Variants in PLA2G4C observed in about 807,000 individuals in gnomAD.
PLA2G4C encodes cytosolic phospholipase A2 gamma.
In PLA2G4C, 64 loss-of-function variants were observed where a neutral mutation model predicts 73.8. The ratio of observed to expected loss-of-function variants is 0.87; its 90% CI spans 0.71 to 1.07. The LOEUF is 1.07. Among genes scored for constraint, PLA2G4C ranks in the 50% least tolerant of loss-of-function variants. The pLI is 0.00. For missense variants in PLA2G4C, 622 were observed against 665.4 expected, an observed-to-expected ratio of 0.93 and a Z score of 0.72; for synonymous variants, 254 against 252.1, an observed-to-expected ratio of 1.01 and a Z score of -0.07.
At chr19:48,060,880 T>G (rs1968142110) in intron 14 of PLA2G4C, among the ~76,000 whole-genome samples, 1 of 152,188 alleles carries the variant, frequency 6.6e-6, no homozygotes. Flanking sequence ...TATAAATATA[T>G]ATTACATTAC....
chr19:48,082,884 G>A (rs948925248), intron 10 of PLA2G4C, among the ~76,000 whole-genome samples: 1 of 147,430 alleles, frequency 6.8e-6, no homozygotes, highest in Non-Finnish European at 1.5e-5. Flanking sequence ...CTCGATCTTG[G>A]CTCACCGCAA....
intron 1 of PLA2G4C, among the ~76,000 whole-genome samples, chr19:48,108,062 G>T (rs1024871991): frequency 1.3e-5 from 2 of 152,078 alleles, no homozygotes; most frequent in African/African-American, 4.8e-5. Flanking sequence ...TCTGCGTCTT[G>T]GTGGTAGTGG....
At chr19:48,052,283 T>C (rs1394382591) in intron 16 of PLA2G4C, 1 of 152,230 alleles carries the variant, frequency 6.6e-6, no homozygotes, top group African/African-American at 2.4e-5. Context: ...CCAAATCTCA[T>C]CTCAAATTGT....
chr19:48,065,332 G>C (rs1221080716), intron 13 of PLA2G4C, among the ~76,000 whole-genome samples: 1 of 152,074 alleles, frequency 6.6e-6, no homozygotes, highest in Non-Finnish European at 1.5e-5. Context: ...TGACGGTTGG[G>C]CACAGTGGCT....
chr19:48,088,824 C>T (rs2031131314), intron 8 of PLA2G4C, 112 bp from the exon 9 acceptor site: 2 of 858,706 alleles, frequency 2.3e-6, no homozygotes, highest in South Asian at 1.4e-5. Context: ...AAATGGCAGC[C>T]ATGGGCTCCA....
intron 12 of PLA2G4C, 164 bp downstream of exon 12, chr19:48,074,603 A>G (rs1435965282): frequency 3.1e-6 from 2 of 640,686 alleles, no homozygotes; most frequent in Non-Finnish European, 5.6e-6. Context: ...GGGGGATTAC[A>G]TTCCAACATG....
chr19:48,060,247 T>C (rs559813429), intron 14 of PLA2G4C, among the ~76,000 whole-genome samples: 1 of 152,248 alleles, frequency 6.6e-6, no homozygotes, highest in Admixed American at 6.6e-5. Context: ...TATGTCAATA[T>C]ACCAATTACG....
intron 14 of PLA2G4C, among the ~76,000 whole-genome samples, chr19:48,055,542 A>T (rs566507011): frequency 1.3e-5 from 2 of 152,024 alleles, no homozygotes; most frequent in South Asian, 4.2e-4. Flanking sequence ...TCTGCAAAGG[A>T]TCTCTGTAAT....
chr19:48,106,154 C>A (rs1407704554), intron 2 of PLA2G4C, among the ~76,000 whole-genome samples: 4 of 150,268 alleles, frequency 2.7e-5, no homozygotes, highest in Non-Finnish European at 5.9e-5. Context: ...GCAATCATAG[C>A]TTACTGCAGC....
intron 8 of PLA2G4C, chr19:48,090,059 T>C (rs2031207940): frequency 3.0e-6 from 1 of 336,156 alleles, no homozygotes; most frequent in East Asian, 5.8e-5. Context: ...CAAATATTCA[T>C]AACTACTGTT....
In PLA2G4C at chr19:48,077,825, C is replaced by T; in HGVS notation, c.845-1G>A. ...CTTTCTTGCAGCCTCAGTAATCGGG[C>T]TGCAAAAGAGCAGAGGCAGGGGGAA... On this transcript the variant is annotated splice_acceptor_variant, in intron 10 of 16. Transcript: ENST00000599921. LOFTEE classifies it high-confidence loss of function. The T allele has an allele frequency of 1.2e-6, 2 of 1,605,622 alleles. No individual in the cohort carries two copies. Among genetic ancestry groups the T allele is most frequent in the Non-Finnish European group, 1.7e-6 (2 of 1,176,350 alleles).
intron 9 of PLA2G4C, among the ~76,000 whole-genome samples, 194 bp from the exon 10 acceptor site, chr19:48,085,306 C>G (rs942451058): frequency 4.6e-5 from 7 of 152,172 alleles, no homozygotes; most frequent in African/African-American, 1.7e-4. Context: ...TGGAATAGAG[C>G]AGTAAACAAG....
chr19:48,049,866 A>G (rs1967656346), intron 16 of PLA2G4C, among the ~76,000 whole-genome samples: 2 of 152,174 alleles, frequency 1.3e-5, no homozygotes, highest in African/African-American at 4.8e-5. Context: ...TTGATCTTGG[A>G]CTTCCAGCCT....
intron 10 of PLA2G4C, among the ~76,000 whole-genome samples, chr19:48,084,365 G>T (rs757951081): frequency 6.6e-6 from 1 of 152,042 alleles, no homozygotes; most frequent in African/African-American, 2.4e-5. Flanking sequence ...GGGCCAGGCT[G>T]CTTGCATCTT....
At chr19:48,061,826 C>T (rs535975698) in intron 14 of PLA2G4C, 172 bp downstream of exon 14, 11 of 672,064 alleles carry the variant, frequency 1.6e-5, no homozygotes, top group African/African-American at 9.1e-5. Flanking sequence ...TGGATGTGGC[C>T]GACCGCGGGT....
chr19:48,094,989 A>T (rs2122649776), intron 7 of PLA2G4C, among the ~76,000 whole-genome samples: 1 of 152,160 alleles, frequency 6.6e-6, no homozygotes, highest in South Asian at 2.1e-4. Context: ...TGCTGAAGTG[A>T]TCCTTCCACT....
At chr19:48,081,932 T>A (rs894299819) in intron 10 of PLA2G4C, among the ~76,000 whole-genome samples, 2 of 151,566 alleles carry the variant, frequency 1.3e-5, no homozygotes, top group African/African-American at 4.9e-5. Context: ...AATATAAAAA[T>A]TAGCCGGGCA....
At chr19:48,061,945 TCGC>T (rs1968193842) in intron 14 of PLA2G4C, 50 bp downstream of exon 14, 2 of 1,586,128 alleles carry the variant, frequency 1.3e-6, no homozygotes, top group Admixed American at 3.4e-5. Context: ...AAAGTCAGCT[TCGC>T]CGCAGCCCAC....
In PLA2G4C at chr19:48,098,713, TAAAAAAAAAAAAAAAAAA is replaced by T. The variant is rs548688675; in HGVS notation, c.448-472_448-455del. On this transcript the variant is annotated intron_variant, in intron 5 of 16. Transcript: ENST00000599921. Reference sequence around the variant, plus strand: ...GAGCAAAAAAGCGAAACCCTATCTCTAAAAAAAAAAAAAAAAAAAAAAAAAAAAAAAAAAAAAAATTTG... The same window carrying T: ...GAGCAAAAAAGCGAAACCCTATCTCTAAAAAAAAAAAAAAAAAAAAATTTG... Among the ~76,000 whole-genome samples, 133 of 30,916 alleles carry T rather than the reference TAAAAAAAAAAAAAAAAAA, an allele frequency of 4.3e-3. 5 individuals carry two copies. In the East Asian group the frequency reaches 0.11, roughly 26 times the overall value. 20.3% of individuals were successfully genotyped at this position (30,916 alleles called of 152,430 possible).
Sources: gnomAD v4.1 joint callset for allele counts (sites outside exome capture counted in the v4.1 genomes callset) on GRCh38, gnomAD v4.1.1 for gene constraint, MANE v1.5 for transcripts, NCBI Gene and HGNC (gene_info 2026-07-23, HGNC 2026-07-21) for gene names.